The following TAFA2 variants were observed in gnomAD, a reference collection of about 807,000 sequenced individuals.
TAFA2 encodes the protein TAFA chemokine like family member 2, also known as chemokine-like protein TAFA-2.
In TAFA2, 7 loss-of-function variants were observed where a neutral mutation model predicts 18.8. The observed-to-expected ratio is 0.37, with a 90% CI of 0.21 to 0.70. TAFA2 has a LOEUF of 0.70. Ranked by LOEUF, TAFA2 falls within the 30% of genes least tolerant of loss-of-function variation. The pLI, the probability that TAFA2 is intolerant of heterozygous loss-of-function variation, is 0.53. For synonymous variants in TAFA2, 60 were observed against 54.2 expected, an observed-to-expected ratio of 1.11 and a Z score of -0.47; for missense variants, 122 against 158.1, an observed-to-expected ratio of 0.77 and a Z score of 1.23.
chr12:61,892,245 T>C (rs1343576598), intron 1 of TAFA2, among the ~76,000 whole-genome samples: 1 of 152,092 alleles, frequency 6.6e-6, no homozygotes, highest in East Asian at 1.9e-4. Context: ...AATATTGGTG[T>C]CATTACTACG....
At chr12:62,160,495 A>G (rs1486478320) in intron 1 of TAFA2, among the ~76,000 whole-genome samples, 2 of 152,204 alleles carry the variant, frequency 1.3e-5, no homozygotes, top group East Asian at 3.9e-4. Flanking sequence ...TTGTCTTTGT[A>G]CCCCTAACCC....
Position 61,815,382 on chromosome 12 carries a change from T to C in TAFA2, c.106+51938A>G, listed in dbSNP as rs566859601. Among the ~76,000 whole-genome samples the C allele has an allele frequency of 7.3e-5, 11 of 151,426 alleles. No individual in the cohort carries two copies. The East Asian group carries it at 2.1e-3, about 29-fold the overall frequency. On this transcript the variant is annotated intron_variant, in intron 2 of 4. Coordinates refer to ENST00000416284, the MANE Select transcript of TAFA2 (RefSeq NM_178539.5). ...CAAAAGGAAATAAAAAGTAGGCAAT[T>C]GAGGCTGGGCGTGGTGGCTCACGCC...
chr12:61,724,067 A>C (rs766801311), intron 4 of TAFA2, among the ~76,000 whole-genome samples: 8 of 152,154 alleles, frequency 5.3e-5, no homozygotes, highest in Non-Finnish European at 1.2e-4. Context: ...AATATTGTGC[A>C]TGCAATCACT....
intron 1 of TAFA2, among the ~76,000 whole-genome samples, chr12:61,952,229 C>G (rs936159126): frequency 6.6e-6 from 1 of 152,088 alleles, no homozygotes; most frequent in East Asian, 1.9e-4. Flanking sequence ...ACACCACAGA[C>G]TCTCTGATGT....
At position 62,103,402 on chromosome 12, in the gene TAFA2, G is replaced by A. The variant is rs970930378; in HGVS notation, c.-2+87857C>T. On this transcript the variant is annotated intron_variant, in intron 1 of 4. Transcript: ENST00000416284. ...TTATCCAGTCCAATATATGAAGGGT[G>A]TCTTCAAACAGCAACTAGAGTTGTG... 1.4e-3 allele frequency among the ~76,000 whole-genome samples: 207 copies of A among 152,264 alleles called. 3 individuals carry two copies. Among genetic ancestry groups the A allele is most frequent in the African/African-American group, 4.7e-3 (196 of 41,558 alleles).
intron 1 of TAFA2, among the ~76,000 whole-genome samples, chr12:61,954,541 A>G (rs1474766314): frequency 6.7e-6 from 1 of 148,766 alleles, no homozygotes; most frequent in Non-Finnish European, 1.5e-5. Flanking sequence ...AAAACACAAA[A>G]CACACACACA....
At chr12:62,115,176 A>G (rs1869908544) in intron 1 of TAFA2, among the ~76,000 whole-genome samples, 1 of 152,154 alleles carries the variant, frequency 6.6e-6, no homozygotes, top group African/African-American at 2.4e-5. Flanking sequence ...AAAAGAAACT[A>G]CTAAGATCAT....
chr12:61,726,279 G>T (rs1870163541), intron 4 of TAFA2, among the ~76,000 whole-genome samples: 1 of 151,794 alleles, frequency 6.6e-6, no homozygotes, highest in South Asian at 2.1e-4. Context: ...AAGAATGATG[G>T]TGGTATTTAG....
intron 1 of TAFA2, among the ~76,000 whole-genome samples, chr12:62,217,221 G>A (rs1484177257): frequency 6.6e-6 from 1 of 152,044 alleles, no homozygotes; most frequent in Non-Finnish European, 1.5e-5. Context: ...CAGGTACAGG[G>A]AGTACTTGGG....
chr12:61,997,830 A>C (rs959283511), intron 1 of TAFA2, among the ~76,000 whole-genome samples: 3 of 152,100 alleles, frequency 2.0e-5, no homozygotes, highest in Non-Finnish European at 4.4e-5. Flanking sequence ...AAACATTTTC[A>C]CAAAAAGCTG....
chr12:61,920,233 CT>C (rs1876993603), intron 1 of TAFA2, among the ~76,000 whole-genome samples: 1 of 152,126 alleles, frequency 6.6e-6, no homozygotes, highest in Non-Finnish European at 1.5e-5. Flanking sequence ...AAGAGATCAG[CT>C]TATGCCACCC....
At chr12:62,019,757 C>A (rs1881065092) in intron 1 of TAFA2, among the ~76,000 whole-genome samples, 2 of 151,660 alleles carry the variant, frequency 1.3e-5, no homozygotes, top group Non-Finnish European at 2.9e-5. Context: ...CAACATGGCA[C>A]ATGTATACAT....
intron 2 of TAFA2, among the ~76,000 whole-genome samples, chr12:61,761,281 T>C (rs1869535199): frequency 6.6e-6 from 1 of 152,028 alleles, no homozygotes; most frequent in Admixed American, 6.6e-5. Context: ...TCAAATTAAA[T>C]GACATTTGAC....
chr12:61,944,243 T>C (rs2121430926), intron 1 of TAFA2, among the ~76,000 whole-genome samples: 2 of 150,430 alleles, frequency 1.3e-5, no homozygotes, highest in Admixed American at 1.3e-4. Flanking sequence ...ATAAAGATGT[T>C]CTTTGAAACC....
chr12:61,737,597 A>C (rs1000876838), intron 4 of TAFA2, among the ~76,000 whole-genome samples: 2 of 151,906 alleles, frequency 1.3e-5, no homozygotes, highest in South Asian at 4.1e-4. Context: ...CTAAAAAAAA[A>C]AACTTAGTTT....
At chr12:62,180,636 G>T (rs914618460) in intron 1 of TAFA2, among the ~76,000 whole-genome samples, 13 of 152,174 alleles carry the variant, frequency 8.5e-5, no homozygotes, top group African/African-American at 3.1e-4. Flanking sequence ...ATGGTGGCAA[G>T]AATTTAGAAG....
At chr12:61,975,501 G>C (rs1879397464) in intron 1 of TAFA2, among the ~76,000 whole-genome samples, 1 of 136,566 alleles carries the variant, frequency 7.3e-6, no homozygotes, top group African/African-American at 2.7e-5. Context: ...CCTTTTTAAG[G>C]CTCAATAATA....
intron 2 of TAFA2, among the ~76,000 whole-genome samples, chr12:61,852,017 G>C (rs1463510707): frequency 1.3e-5 from 2 of 151,592 alleles, no homozygotes; most frequent in East Asian, 3.9e-4. Flanking sequence ...AGACCAGCCT[G>C]ACCAACATGG....
intron 1 of TAFA2, among the ~76,000 whole-genome samples, chr12:61,924,676 A>G (rs1877201546): frequency 6.6e-6 from 1 of 152,240 alleles, no homozygotes; most frequent in Non-Finnish European, 1.5e-5. Flanking sequence ...AAGAAAGTGT[A>G]TGAACGAATG....
Sources: gnomAD v4.1 joint callset for allele counts (sites outside exome capture counted in the v4.1 genomes callset) on GRCh38, gnomAD v4.1.1 for gene constraint, MANE v1.5 for transcripts, NCBI Gene and HGNC (gene_info 2026-07-23, HGNC 2026-07-21) for gene names.